MGAT4C: variants seen among roughly 807,000 people sequenced by gnomAD.
MGAT4C encodes the protein alpha-1,3-mannosyl-glycoprotein 4-beta-N-acetylglucosaminyltransferase C.
MGAT4C carries 19 observed loss-of-function variants against 40.1 expected under a neutral mutation model. The ratio of observed to expected loss-of-function variants is 0.47; its 90% CI spans 0.33 to 0.70. The LOEUF (loss-of-function observed/expected upper bound fraction) is 0.70. Among genes scored for constraint, MGAT4C ranks in the 30% least tolerant of loss-of-function variants. The pLI is 0.02. For missense variants in MGAT4C, 491 were observed against 563.2 expected (o/e 0.87, Z 1.30); for synonymous variants, 181 against 187.1 (o/e 0.97, Z 0.27).
intron 2 of MGAT4C, among the ~76,000 whole-genome samples, chr12:86,602,044 C>T (rs1961803809): frequency 6.6e-6 from 1 of 152,194 alleles, no homozygotes; most frequent in Non-Finnish European, 1.5e-5. Context: ...AGCAGCCTCG[C>T]ATGAAGCCGG....
chr12:86,797,611 T>C (rs1366646816), intron 1 of MGAT4C, among the ~76,000 whole-genome samples: 1 of 151,968 alleles, frequency 6.6e-6, no homozygotes, highest in East Asian at 1.9e-4. Flanking sequence ...TATCTGCTTC[T>C]CTTTAATTAT....
intron 2 of MGAT4C, among the ~76,000 whole-genome samples, chr12:86,657,815 T>A (rs921321197): frequency 6.6e-6 from 1 of 151,904 alleles, no homozygotes; most frequent in African/African-American, 2.4e-5. Context: ...CAGTGAAATA[T>A]TTTCACTGAA....
At chr12:86,034,586 T>G (rs962162461) in intron 2 of MGAT4C, among the ~76,000 whole-genome samples, 1 of 149,290 alleles carries the variant, frequency 6.7e-6, no homozygotes, top group African/African-American at 2.4e-5. Context: ...TTTTTAAATT[T>G]TTTTTTATTA....
chr12:86,273,657 A>C (rs560315383), intron 4 of MGAT4C, among the ~76,000 whole-genome samples: 1 of 152,286 alleles, frequency 6.6e-6, no homozygotes, highest in East Asian at 1.9e-4. Context: ...ATATACCATA[A>C]CATAGGGTCA....
At chr12:86,283,823 G>C (rs1007270608) in intron 4 of MGAT4C, among the ~76,000 whole-genome samples, 4 of 152,068 alleles carry the variant, frequency 2.6e-5, no homozygotes, top group African/African-American at 9.7e-5. Flanking sequence ...TTGGAACACT[G>C]CTTTTCTTCA....
At chr12:86,677,163 T>C (rs990205468) in intron 2 of MGAT4C, among the ~76,000 whole-genome samples, 1 of 152,160 alleles carries the variant, frequency 6.6e-6, no homozygotes, top group Non-Finnish European at 1.5e-5. Flanking sequence ...ATTACCTAAT[T>C]TATTATTTGA....
At chr12:86,433,743 G>A (rs998041264) in intron 3 of MGAT4C, among the ~76,000 whole-genome samples, 7 of 152,012 alleles carry the variant, frequency 4.6e-5, no homozygotes, top group South Asian at 4.1e-4. Context: ...TTTTAAGCTC[G>A]TGCATTAAAG....
At position 86,555,034 on chromosome 12, in the gene MGAT4C, C is replaced by T. The variant is rs1274921897; in HGVS notation, c.-228-119769G>A. Among the ~76,000 whole-genome samples the T allele has an allele frequency of 3.3e-5, 5 of 151,904 alleles. No homozygotes were observed. The South Asian group carries it at 6.2e-4, about 19-fold the overall frequency. On this transcript the variant is annotated intron_variant, in intron 2 of 7. Coordinates refer to the MGAT4C transcript ENST00000548651. Reference sequence around the variant, plus strand: ...TTATTTATTTTCTTTCTCTCTCTGACCTGTACTTAGATAGCCATATTTTCA... The same window carrying T: ...TTATTTATTTTCTTTCTCTCTCTGATCTGTACTTAGATAGCCATATTTTCA...
rs899390932 is a variant in MGAT4C at position 85,959,838 on chromosome 12, G to T, written c.*19451C>A. On this transcript the variant is annotated 3_prime_UTR_variant, in exon 5 of 5. Transcript: ENST00000611864. ...CTTTATGAAATTACTTTTAGATAAA[G>T]TATTGATATTGTCATTTATCAATTT... 6.6e-6 allele frequency: 1 copy of T among 151,156 alleles called. No individual in the cohort carries two copies. Among genetic ancestry groups the T allele is most frequent in the Non-Finnish European group, 1.5e-5 (1 of 67,826 alleles). The allele number at this position is 151,156 out of a possible 1,614,324, so 9.4% of individuals were successfully genotyped here.
chr12:86,497,893 A>ATATAT (rs1958267296), intron 2 of MGAT4C, among the ~76,000 whole-genome samples: 2 of 133,894 alleles, frequency 1.5e-5, no homozygotes, highest in Non-Finnish European at 1.6e-5. Context: ...GAAATTCCTA[A>ATATAT]ATATATATAT....
chr12:86,692,546 C>A (rs1565929180), intron 2 of MGAT4C, among the ~76,000 whole-genome samples: 1 of 151,958 alleles, frequency 6.6e-6, no homozygotes, highest in Non-Finnish European at 1.5e-5. Context: ...CTAATAAAAC[C>A]CAAGCTCAAT....
intron 2 of MGAT4C, among the ~76,000 whole-genome samples, chr12:86,499,520 T>A (rs1018887156): frequency 6.6e-6 from 1 of 151,698 alleles, no homozygotes; most frequent in Non-Finnish European, 1.5e-5. Context: ...GCAAAAACAA[T>A]TGGAATCACT....
At position 86,086,352 on chromosome 12, in the gene MGAT4C, A is replaced by G. The variant is rs887536463; in HGVS notation, c.-56-36629T>C. On this transcript the variant is annotated intron_variant, in intron 1 of 4. Coordinates refer to ENST00000611864, the MANE Select transcript of MGAT4C (RefSeq NM_001351288.2). ...AGTTGAACAGTGAGAACATATGGGC[A>G]CAGGGAGAGGAACATCACACACCGG... Among the ~76,000 whole-genome samples, 5 of 152,042 alleles carry G rather than the reference A, an allele frequency of 3.3e-5. No homozygotes were observed. In the South Asian group the frequency reaches 8.3e-4, roughly 25 times the overall value.
chr12:86,806,080 T>C (rs1377731640), intron 1 of MGAT4C, among the ~76,000 whole-genome samples: 1 of 151,938 alleles, frequency 6.6e-6, no homozygotes, highest in Non-Finnish European at 1.5e-5. Flanking sequence ...TCTACCTCTT[T>C]AGTTGTCCTT....
chr12:86,188,034 C>T (rs1326872043), intron 1 of MGAT4C, among the ~76,000 whole-genome samples: 2 of 151,992 alleles, frequency 1.3e-5, no homozygotes, highest in Non-Finnish European at 2.9e-5. Context: ...AGATAAGAAC[C>T]TGATGGGCCT....
At chr12:86,736,155 T>G (rs1950982315) in intron 1 of MGAT4C, among the ~76,000 whole-genome samples, 1 of 151,844 alleles carries the variant, frequency 6.6e-6, no homozygotes, top group African/African-American at 2.4e-5. Context: ...ATTCTTCTTC[T>G]CAATCATCTT....
At chr12:86,267,141 G>A (rs1952806587) in intron 4 of MGAT4C, among the ~76,000 whole-genome samples, 1 of 151,732 alleles carries the variant, frequency 6.6e-6, no homozygotes, top group Non-Finnish European at 1.5e-5. Context: ...TTCTTCTGCA[G>A]TTTTGGTTTG....
chr12:86,168,311 T>C (rs1018760575), intron 1 of MGAT4C, among the ~76,000 whole-genome samples: 1 of 152,170 alleles, frequency 6.6e-6, no homozygotes, highest in African/African-American at 2.4e-5. Flanking sequence ...GAATTACTTC[T>C]TGAGAAATTA....
In MGAT4C at chr12:86,521,818, C is replaced by T. The variant is rs189952037; in HGVS notation, c.-228-86553G>A. Among the ~76,000 whole-genome samples the T allele has an allele frequency of 1.2e-3, 181 of 152,068 alleles. 6 individuals are homozygous for T. In the East Asian group the frequency reaches 0.027, roughly 23 times the overall value. Reference sequence around the variant, plus strand: ...TAGTTCTCCATGTAGAGATATTTCACCTCCTTGGTTAGCTGTATTCCCAGT... The same window carrying T: ...TAGTTCTCCATGTAGAGATATTTCATCTCCTTGGTTAGCTGTATTCCCAGT... On this transcript the variant is annotated intron_variant, in intron 2 of 7. Coordinates refer to the MGAT4C transcript ENST00000548651.
Sources: allele counts gnomAD v4.1 joint callset (sites outside exome capture counted in the v4.1 genomes callset), GRCh38; gene constraint gnomAD v4.1.1; transcripts MANE v1.5; gene names NCBI Gene and HGNC (gene_info 2026-07-23, HGNC 2026-07-21).